Variants in CHD1 observed in about 807,000 individuals in gnomAD.
CHD1 encodes the protein chromodomain helicase DNA binding protein 1.
CHD1 carries 36 observed loss-of-function variants against 224.2 expected under a neutral mutation model. The observed-to-expected ratio is 0.16, with a 90% confidence interval of 0.12 to 0.21. CHD1 has a LOEUF of 0.21. Among genes scored for constraint, CHD1 ranks in the 10% least tolerant of loss-of-function variants. The pLI is 1.00. For synonymous variants in CHD1, 668 were observed against 658.3 expected (o/e 1.01, Z -0.23); for missense variants, 1,378 against 1,994.8 (o/e 0.69, Z 5.89).
chr5:98,875,875 A>C (rs947037072), intron 24 of CHD1, among the ~76,000 whole-genome samples: 13 of 152,198 alleles, frequency 8.5e-5, no homozygotes, highest in African/African-American at 2.9e-4. Flanking sequence ...TCTTAAATAA[A>C]TGTGTATATA....
chr5:98,883,196 C>T lies in CHD1; in HGVS notation c.2610G>A (p.Gly870=), dbSNP rs1750325571. 1.3e-6 allele frequency: 2 copies of T among 1,599,822 alleles called. No individual in the cohort carries two copies. The highest frequency in any genetic ancestry group is 1.7e-6 in the Non-Finnish European group (2 of 1,175,670). Residue 870 remains glycine (G), a synonymous_variant, in exon 19 of 36, where the codon GGG becomes GGA. Coordinates refer to ENST00000614616, the MANE Select transcript of CHD1 (RefSeq NM_001270.4). ...FLLSTRAGGL[G]INLASADTVV... ...CAGTGTCAGCAGAGGCTAAATTAAT[C>T]CCTAGACCTCCAGCTCTTGTGGACA...
intron 23 of CHD1, among the ~76,000 whole-genome samples, chr5:98,879,097 G>T (rs965509130): frequency 4.6e-5 from 7 of 152,142 alleles, no homozygotes; most frequent in African/African-American, 1.7e-4. Flanking sequence ...AGCTGGGTGT[G>T]GTGGGACACA....
Position 98,874,498 on chromosome 5 carries a change from T to C in CHD1, c.3440+574A>G, listed in dbSNP as rs1749595930. Among the ~76,000 whole-genome samples the C allele has an allele frequency of 4.2e-5, 6 of 143,608 alleles. No individual in the cohort carries two copies. In the South Asian group the frequency reaches 1.1e-3, roughly 26 times the overall value. 94.2% of individuals were successfully genotyped at this position (143,608 alleles called of 152,430 possible). Reference sequence around the variant, plus strand: ...GCGGATCACCTGAATTCAGGAGTTCTAGACCAACCTGGCCAATATGGTGAA... The same window carrying C: ...GCGGATCACCTGAATTCAGGAGTTCCAGACCAACCTGGCCAATATGGTGAA... On this transcript the variant is annotated intron_variant, in intron 25 of 35. Transcript: ENST00000614616.
At chr5:98,878,968 C>G (rs1749968150) in intron 23 of CHD1, among the ~76,000 whole-genome samples, 3 of 152,158 alleles carry the variant, frequency 2.0e-5, no homozygotes, top group African/African-American at 7.2e-5. Flanking sequence ...TGCAGTGGCT[C>G]GTGCTATAGT....
intron 22 of CHD1, among the ~76,000 whole-genome samples, chr5:98,879,952 C>T (rs1181451288): frequency 6.6e-6 from 1 of 152,174 alleles, no homozygotes; most frequent in East Asian, 1.9e-4. Context: ...TTTTGCCCTA[C>T]TGCTCAACAA....
chr5:98,859,014 T>C lies in CHD1; in HGVS notation c.4526A>G (p.Gln1509Arg), dbSNP rs2112446681. 1 of 1,580,030 alleles carries C rather than the reference T, an allele frequency of 6.3e-7. No homozygotes were observed. Among genetic ancestry groups the C allele is most frequent in the East Asian group, 2.3e-5 (1 of 42,576 alleles). The change falls in exon 34 of 36, where the codon CAA becomes CGA. Residue 1509 changes from glutamine to arginine, a missense_variant and splice_region_variant. Transcript: ENST00000614616. Reference sequence around the variant, plus strand: ...CAAGTTGCTGTTTTGATCACTGTTTTGCTAAAATAAATGCACACGTGTTAA... The same window carrying C: ...CAAGTTGCTGTTTTGATCACTGTTTCGCTAAAATAAATGCACACGTGTTAA... ...HAIKKRQESQ[Q>R]NSDQNSNLNP...
At chr5:98,858,878 C>G (rs1748245779) in intron 34 of CHD1, 86 bp downstream of exon 34, 2 of 794,640 alleles carry the variant, frequency 2.5e-6, no homozygotes, top group Non-Finnish European at 3.8e-6. Context: ...AAGGTAAGAA[C>G]CTTTTTTATC....
intron 17 of CHD1, chr5:98,885,940 G>A: frequency 6.8e-6 from 2 of 294,314 alleles, no homozygotes; most frequent in South Asian, 1.8e-4. Context: ...GCAAACACCT[G>A]AAACAGTTTC....
chr5:98,886,556 C>A (rs1440363120), intron 17 of CHD1, among the ~76,000 whole-genome samples: 2 of 152,096 alleles, frequency 1.3e-5, no homozygotes, highest in Non-Finnish European at 2.9e-5. Context: ...ATGCATTTAA[C>A]CGACGAATTA....
At chr5:98,874,669 G>A (rs1053982732) in intron 25 of CHD1, among the ~76,000 whole-genome samples, 2 of 150,486 alleles carry the variant, frequency 1.3e-5, no homozygotes, top group Non-Finnish European at 3.0e-5. Flanking sequence ...CCAAGATCGC[G>A]CCACTGCACT....
At chr5:98,908,327 C>A (rs568753768) in intron 2 of CHD1, among the ~76,000 whole-genome samples, 1 of 152,266 alleles carries the variant, frequency 6.6e-6, no homozygotes, top group South Asian at 2.1e-4. Context: ...CTATCCCAAC[C>A]CAACGTTAAA....
chr5:98,879,108 C>T (rs779199107), intron 23 of CHD1, among the ~76,000 whole-genome samples: 7 of 152,120 alleles, frequency 4.6e-5, no homozygotes, highest in Non-Finnish European at 7.3e-5. Flanking sequence ...GTGGGACACA[C>T]CTGTAGTCCC....
intron 2 of CHD1, among the ~76,000 whole-genome samples, chr5:98,911,146 A>AAAAAAAATATATATATATATATATATAT (rs1491111295): frequency 7.7e-5 from 3 of 39,134 alleles, no homozygotes; most frequent in Non-Finnish European, 1.3e-4. Flanking sequence ...AAAAAAAAAA[A>AAAAAAAATATATATATATATATATATAT]ATATATATAT....
At chr5:98,924,634 T>A (rs1157270905) in intron 2 of CHD1, among the ~76,000 whole-genome samples, 1 of 152,162 alleles carries the variant, frequency 6.6e-6, no homozygotes, top group Non-Finnish European at 1.5e-5. Context: ...ATCCAAACAG[T>A]ATGTATGAAA....
At chr5:98,913,910 G>A (rs775719262) in intron 2 of CHD1, among the ~76,000 whole-genome samples, 13 of 152,032 alleles carry the variant, frequency 8.6e-5, no homozygotes, top group Non-Finnish European at 1.8e-4. Context: ...CATTTCTTAT[G>A]ATGAGAGTAG....
At chr5:98,887,467 T>C (rs544010621) in intron 17 of CHD1, among the ~76,000 whole-genome samples, 2 of 152,304 alleles carry the variant, frequency 1.3e-5, no homozygotes, top group Admixed American at 6.5e-5. Flanking sequence ...GTCTGCTATG[T>C]TCCTAGTACT....
rs753778841 is a variant in CHD1, at chr5:98,894,699, T to G, written c.1711-13A>C. 6 of 1,276,158 alleles carry G rather than the reference T, an allele frequency of 4.7e-6. No homozygotes were observed. Among genetic ancestry groups the G allele is most frequent in the Non-Finnish European group, 6.6e-6 (6 of 906,490 alleles). 79.1% of individuals were successfully genotyped at this position (1,276,158 alleles called of 1,614,324 possible). ...CATGAGTTCTTATCTATTAAGAAATTTGAAGGACAATTTTTAAGACAAACA... is the reference window on the plus strand; with the variant it reads ...CATGAGTTCTTATCTATTAAGAAATGTGAAGGACAATTTTTAAGACAAACA... On this transcript the variant is annotated splice_polypyrimidine_tract_variant and intron_variant, in intron 12 of 35. Transcript: ENST00000614616.
chr5:98,927,609 A>T (rs1753560121), intron 1 of CHD1, among the ~76,000 whole-genome samples: 1 of 152,234 alleles, frequency 6.6e-6, no homozygotes, highest in Non-Finnish European at 1.5e-5. Flanking sequence ...CGTTCTACTC[A>T]ACATTTATTC....
chr5:98,928,150 G>C (rs1375388103), intron 1 of CHD1, among the ~76,000 whole-genome samples: 3 of 151,638 alleles, frequency 2.0e-5, no homozygotes, highest in African/African-American at 7.3e-5. Context: ...CCCGCCCCGC[G>C]CCCTCCCAGG....
Sources: gnomAD v4.1 joint callset for allele counts (sites outside exome capture counted in the v4.1 genomes callset) on GRCh38, gnomAD v4.1.1 for gene constraint, MANE v1.5 for transcripts, NCBI Gene and HGNC (gene_info 2026-07-23, HGNC 2026-07-21) for gene names.